SLIT3: variants seen among roughly 807,000 people sequenced by gnomAD.
SLIT3 encodes slit homolog 3 protein.
SLIT3 carries 68 observed loss-of-function variants against 184.0 expected under a neutral mutation model. That is an observed-to-expected ratio of 0.37 (90% CI 0.30 to 0.45). SLIT3 has a LOEUF of 0.45. Among genes scored for constraint, SLIT3 ranks in the 20% least tolerant of loss-of-function variants. The pLI, the probability that SLIT3 is intolerant of heterozygous loss-of-function variation, is 1.00. For synonymous variants in SLIT3, 831 were observed against 828.6 expected (o/e 1.00, Z -0.05); for missense variants, 1,707 against 2,026.0 (o/e 0.84, Z 3.02).
intron 18 of SLIT3, among the ~76,000 whole-genome samples, chr5:168,751,597 T>C (rs918440030): frequency 4.0e-5 from 6 of 151,888 alleles, no homozygotes; most frequent in African/African-American, 1.2e-4. Flanking sequence ...GGCTCTAGAG[T>C]CTTACCCATT....
chr5:168,867,695 C>A (rs1351910105), intron 5 of SLIT3, among the ~76,000 whole-genome samples: 1 of 152,204 alleles, frequency 6.6e-6, no homozygotes, highest in African/African-American at 2.4e-5. Flanking sequence ...TTGGGAAGAT[C>A]TGCTCCCATA....
intron 4 of SLIT3, among the ~76,000 whole-genome samples, chr5:169,105,110 GC>G (rs1279895400): frequency 6.6e-6 from 1 of 152,142 alleles, no homozygotes; most frequent in East Asian, 1.9e-4. Flanking sequence ...TCTGTGAACG[GC>G]AGGTTTCTGG....
At chr5:169,000,213 G>A (rs1388936499) in intron 4 of SLIT3, among the ~76,000 whole-genome samples, 1 of 151,864 alleles carries the variant, frequency 6.6e-6, no homozygotes, top group African/African-American at 2.4e-5. Flanking sequence ...CCAACATGGT[G>A]AAACCTCGTT....
intron 4 of SLIT3, among the ~76,000 whole-genome samples, chr5:169,031,525 C>T (rs1380429493): frequency 1.3e-5 from 2 of 152,190 alleles, no homozygotes; most frequent in African/African-American, 4.8e-5. Flanking sequence ...AATTACAGTT[C>T]ATGGAGGTTA....
intron 1 of SLIT3, among the ~76,000 whole-genome samples, chr5:169,267,760 A>G (rs1286460441): frequency 6.6e-6 from 1 of 152,218 alleles, no homozygotes; most frequent in Non-Finnish European, 1.5e-5. Flanking sequence ...AAATACTCAT[A>G]TGGGGCCTGG....
intron 4 of SLIT3, among the ~76,000 whole-genome samples, chr5:169,015,542 C>T (rs1023611619): frequency 6.6e-6 from 1 of 152,180 alleles, no homozygotes; most frequent in Non-Finnish European, 1.5e-5. Flanking sequence ...CAATTAACTT[C>T]TCTGGAACTT....
chr5:169,049,037 T>A (rs972934502), intron 4 of SLIT3, among the ~76,000 whole-genome samples: 5 of 152,118 alleles, frequency 3.3e-5, no homozygotes, highest in African/African-American at 1.2e-4. Flanking sequence ...GAGAGAATAG[T>A]CGGGCAGTTT....
chr5:168,710,281 G>A (rs1762511911), intron 25 of SLIT3: 1 of 152,096 alleles, frequency 6.6e-6, no homozygotes, highest in South Asian at 2.1e-4. Context: ...AATTAAATAA[G>A]TTGTTACATG....
chr5:168,773,037 C>T (rs1404292530), intron 13 of SLIT3, 93 bp from the exon 14 acceptor site: 3 of 1,300,856 alleles, frequency 2.3e-6, no homozygotes, highest in East Asian at 2.4e-5. Flanking sequence ...TGGCAATCCA[C>T]TGCAAGGACT....
At chr5:169,219,867 A>G (rs1032168804) in intron 3 of SLIT3, among the ~76,000 whole-genome samples, 1 of 152,186 alleles carries the variant, frequency 6.6e-6, no homozygotes, top group Non-Finnish European at 1.5e-5. Flanking sequence ...CTTTTCCTTC[A>G]TTGCTCTCAA....
chr5:169,132,057 C>T (rs1027614563), intron 4 of SLIT3, among the ~76,000 whole-genome samples: 2 of 152,190 alleles, frequency 1.3e-5, no homozygotes, highest in Non-Finnish European at 2.9e-5. Flanking sequence ...CTGCCTTCCT[C>T]AGGACTCAGA....
intron 10 of SLIT3, chr5:168,792,108 T>C (rs538499448): frequency 6.6e-6 from 1 of 152,338 alleles, no homozygotes; most frequent in South Asian, 2.1e-4. Context: ...AGCAAGCATC[T>C]CAAGTCTCCT....
At chr5:168,835,712 G>T (rs1758029304) in intron 6 of SLIT3, among the ~76,000 whole-genome samples, 3 of 151,650 alleles carry the variant, frequency 2.0e-5, no homozygotes, top group Non-Finnish European at 4.4e-5. Flanking sequence ...TCAGGAGGCT[G>T]AGACAAGAGA....
At chr5:168,980,531 T>C (rs982966621) in intron 4 of SLIT3, among the ~76,000 whole-genome samples, 10 of 152,164 alleles carry the variant, frequency 6.6e-5, no homozygotes, top group Admixed American at 1.3e-4. Context: ...AAGATTAGGA[T>C]CAAGGCCTGT....
intron 3 of SLIT3, among the ~76,000 whole-genome samples, chr5:169,237,775 C>T (rs1765254350): frequency 6.6e-6 from 1 of 152,090 alleles, no homozygotes; most frequent in Non-Finnish European, 1.5e-5. Flanking sequence ...TATCTGCTTA[C>T]TGTTGAGTTT....
At chr5:169,035,214 A>T (rs1201766055) in intron 4 of SLIT3, among the ~76,000 whole-genome samples, 1 of 152,098 alleles carries the variant, frequency 6.6e-6, no homozygotes, top group Non-Finnish European at 1.5e-5. Context: ...CATAGTGGAG[A>T]CAATCACTGT....
rs1008935042 is a variant in SLIT3, at chr5:168,710,746, G to A, written c.2719+149C>T. ...TAGATGAGGGTTCACATCAGCGTCAGCATCTGAGCCTCTTTGTGGGACCCA... is the reference window on the plus strand; with the variant it reads ...TAGATGAGGGTTCACATCAGCGTCAACATCTGAGCCTCTTTGTGGGACCCA... On this transcript the variant is annotated intron_variant, in intron 25 of 35. Coordinates refer to ENST00000519560, the MANE Select transcript of SLIT3 (RefSeq NM_003062.4). The A allele has an allele frequency of 1.0e-5, 6 of 598,636 alleles. No individual in the cohort carries two copies. The East Asian group carries it at 2.0e-4, about 20-fold the overall frequency. The allele number at this position is 598,636 out of a possible 1,614,324, so 37.1% of individuals were successfully genotyped here. A position where few individuals can be genotyped will look rare whatever the true frequency, so the allele number is the denominator to read the frequency against.
chr5:168,852,474 G>T (rs533027724), intron 5 of SLIT3, among the ~76,000 whole-genome samples: 35 of 152,300 alleles, frequency 2.3e-4, no homozygotes, highest in African/African-American at 8.4e-4. Flanking sequence ...CAGTGCCCAG[G>T]TGAGATGTTA....
intron 5 of SLIT3, among the ~76,000 whole-genome samples, chr5:168,872,337 C>T (rs1759552935): frequency 6.6e-6 from 1 of 152,272 alleles, no homozygotes; most frequent in African/African-American, 2.4e-5. Context: ...TGTCATTACA[C>T]ACTTGTCAAA....
Sources: gnomAD v4.1 joint callset for allele counts (sites outside exome capture counted in the v4.1 genomes callset) on GRCh38, gnomAD v4.1.1 for gene constraint, MANE v1.5 for transcripts, NCBI Gene and HGNC (gene_info 2026-07-23, HGNC 2026-07-21) for gene names.